The following SLC39A11 variants were observed in gnomAD, a reference collection of about 807,000 sequenced individuals.
SLC39A11 encodes solute carrier family 39 member 11.
In SLC39A11, 33 loss-of-function variants were observed where a neutral mutation model predicts 36.1. That is an observed-to-expected ratio of 0.91 (90% CI 0.69 to 1.22). The LOEUF (loss-of-function observed/expected upper bound fraction) is 1.22, where lower values mean the gene tolerates loss of function less well. Among genes scored for constraint, SLC39A11 ranks in the 50% most tolerant of loss-of-function variants. The pLI is 0.00. For synonymous variants in SLC39A11, 166 were observed against 170.3 expected (o/e 0.97, Z 0.20); for missense variants, 432 against 430.3 (o/e 1.00, Z -0.03).
At chr17:72,711,064 G>A (rs2073088017) in intron 7 of SLC39A11, among the ~76,000 whole-genome samples, 1 of 152,164 alleles carries the variant, frequency 6.6e-6, no homozygotes, top group African/African-American at 2.4e-5. Flanking sequence ...CTCTGATGAT[G>A]TGGGTCCTGC....
intron 9 of SLC39A11, among the ~76,000 whole-genome samples, 159 bp from the exon 10 acceptor site, chr17:72,647,821 T>C (rs575286864): frequency 6.2e-4 from 94 of 152,190 alleles, no homozygotes; most frequent in African/African-American, 2.1e-3. Flanking sequence ...GGCAAACTAA[T>C]GAACCATGGA....
rs138271016 is a variant in SLC39A11, at chr17:72,780,638, C to T, written c.602-43919G>A. Among the ~76,000 whole-genome samples, 146 of 152,144 alleles carry T rather than the reference C, an allele frequency of 9.6e-4. 1 individual carries two copies. In the East Asian group the frequency reaches 0.021, roughly 22 times the overall value. ...TCCATGTAGACCATAACTGCTCTTTCGCTTTGCTCTCCACTCTCTATTAGG... is the reference window on the plus strand; with the variant it reads ...TCCATGTAGACCATAACTGCTCTTTTGCTTTGCTCTCCACTCTCTATTAGG... On this transcript the variant is annotated intron_variant, in intron 6 of 9. Transcript: ENST00000255559.
At chr17:72,825,641 A>T (rs1469539944) in intron 6 of SLC39A11, among the ~76,000 whole-genome samples, 1 of 152,240 alleles carries the variant, frequency 6.6e-6, no homozygotes, top group Non-Finnish European at 1.5e-5. Context: ...AGCAGCCAAG[A>T]GGCTGTACCG....
chr17:73,035,174 C>T (rs991518401), intron 3 of SLC39A11, among the ~76,000 whole-genome samples: 2 of 152,160 alleles, frequency 1.3e-5, no homozygotes, highest in African/African-American at 4.8e-5. Flanking sequence ...GACAGAGTCT[C>T]GTTCTGTCAC....
intron 5 of SLC39A11, among the ~76,000 whole-genome samples, chr17:72,866,354 C>T (rs1160760823): frequency 6.6e-6 from 1 of 152,134 alleles, no homozygotes; most frequent in East Asian, 1.9e-4. Flanking sequence ...GGGGCTCCCA[C>T]TGATTCTAGG....
At chr17:72,809,385 G>C (rs553947138) in intron 6 of SLC39A11, among the ~76,000 whole-genome samples, 14 of 152,206 alleles carry the variant, frequency 9.2e-5, no homozygotes, top group African/African-American at 2.9e-4. Flanking sequence ...AAGGATTCCT[G>C]ATACAGATCA....
chr17:72,825,172 C>A (rs1300748159), intron 6 of SLC39A11, among the ~76,000 whole-genome samples: 2 of 140,792 alleles, frequency 1.4e-5, no homozygotes, highest in Non-Finnish European at 3.3e-5. Flanking sequence ...AGACTCAGGG[C>A]CCTGTTGCCC....
At chr17:72,760,307 C>T (rs1406424297) in intron 6 of SLC39A11, among the ~76,000 whole-genome samples, 1 of 152,218 alleles carries the variant, frequency 6.6e-6, no homozygotes, top group African/African-American at 2.4e-5. Context: ...GGACTACAGG[C>T]GTGAGCCACT....
At chr17:72,901,049 G>A (rs6501577) in intron 5 of SLC39A11, among the ~76,000 whole-genome samples, 21,111 of 151,746 alleles carry the variant, frequency 0.14, 2,801 homozygotes, top group African/African-American at 0.35. Context: ...AGGTTGCAAC[G>A]CTGAGGAAAC....
intron 4 of SLC39A11, among the ~76,000 whole-genome samples, chr17:72,954,073 G>T (rs1165564445): frequency 1.3e-5 from 2 of 152,188 alleles, no homozygotes; most frequent in African/African-American, 4.8e-5. Context: ...GAGAGACAGA[G>T]TCTCACTCTG....
intron 5 of SLC39A11, among the ~76,000 whole-genome samples, chr17:72,864,146 CG>C (rs2080184218): frequency 6.6e-6 from 1 of 152,176 alleles, no homozygotes; most frequent in Non-Finnish European, 1.5e-5. Flanking sequence ...ACCACCTCAC[CG>C]GGGCCACCTT....
intron 5 of SLC39A11, among the ~76,000 whole-genome samples, chr17:72,882,270 C>T (rs199805454): frequency 5.9e-5 from 9 of 151,284 alleles, no homozygotes; most frequent in Non-Finnish European, 1.2e-4. Flanking sequence ...GCAGGAGAAT[C>T]GCTTGAACCC....
intron 6 of SLC39A11, among the ~76,000 whole-genome samples, chr17:72,762,227 T>C (rs1054491008): frequency 6.6e-6 from 1 of 152,170 alleles, no homozygotes; most frequent in African/African-American, 2.4e-5. Flanking sequence ...TTACAGGTCG[T>C]AAAGGCCTTG....
At chr17:72,910,864 T>C (rs1052110877) in intron 5 of SLC39A11, among the ~76,000 whole-genome samples, 51 of 149,080 alleles carry the variant, frequency 3.4e-4, no homozygotes, top group African/African-American at 1.1e-3. Context: ...AAGGCAGAGG[T>C]TGCAGTGAGC....
intron 5 of SLC39A11, among the ~76,000 whole-genome samples, chr17:72,886,011 A>G (rs994742459): frequency 6.6e-6 from 1 of 152,036 alleles, no homozygotes; most frequent in Non-Finnish European, 1.5e-5. Context: ...TTTCTTTCAC[A>G]TGTCTAGTCA....
intron 3 of SLC39A11, among the ~76,000 whole-genome samples, chr17:73,054,153 C>T (rs921241379): frequency 3.3e-5 from 5 of 151,994 alleles, no homozygotes; most frequent in African/African-American, 7.2e-5. Context: ...CCACACAGTC[C>T]GGAGTTCGAG....
At chr17:72,876,167 G>C (rs1281040449) in intron 5 of SLC39A11, among the ~76,000 whole-genome samples, 2 of 152,104 alleles carry the variant, frequency 1.3e-5, no homozygotes, top group African/African-American at 4.8e-5. Flanking sequence ...GTGATTTTGG[G>C]ACATAACCAT....
At chr17:72,842,076 C>CTGTGTG (rs1440660547) in intron 6 of SLC39A11, among the ~76,000 whole-genome samples, 50 of 37,286 alleles carry the variant, frequency 1.3e-3, no homozygotes, top group African/African-American at 2.7e-3. Context: ...TCTCAAAAAA[C>CTGTGTG]TATGTGTGTG....
chr17:72,926,143 C>A (rs1465385398), intron 5 of SLC39A11, among the ~76,000 whole-genome samples: 1 of 152,228 alleles, frequency 6.6e-6, no homozygotes, highest in Non-Finnish European at 1.5e-5. Flanking sequence ...GCTTCTTCAA[C>A]TTTTGAGTAA....
Sources: gnomAD v4.1 joint callset for allele counts (sites outside exome capture counted in the v4.1 genomes callset) on GRCh38, gnomAD v4.1.1 for gene constraint, MANE v1.5 for transcripts, NCBI Gene and HGNC (gene_info 2026-07-23, HGNC 2026-07-21) for gene names.